AK9: variants seen among roughly 807,000 people sequenced by gnomAD.
AK9 encodes adenylate kinase domain containing 1.
A neutral mutation model predicts 239.6 loss-of-function variants in AK9; 191 were observed. The observed-to-expected ratio is 0.80, with a 90% CI of 0.71 to 0.90. AK9 has a LOEUF of 0.90. AK9 is among the 40% of genes least tolerant of loss of function. The pLI, the probability that AK9 is intolerant of heterozygous loss-of-function variation, is 0.00. For missense variants in AK9, 1,995 were observed against 2,214.7 expected (o/e 0.90, Z 1.99); for synonymous variants, 689 against 721.0 (o/e 0.96, Z 0.71).
chr6:109,621,893 T>TAAAAAAAAAAAAAAAAA (rs59405869), intron 12 of AK9, among the ~76,000 whole-genome samples: 6 of 55,514 alleles, frequency 1.1e-4, no homozygotes, highest in African/African-American at 1.8e-4. Flanking sequence ...AAAGTATAAT[T>TAAAAAAAAAAAAAAAAA]AAAAAAAAAA....
chr6:109,618,443 A>AC (rs1794438559), intron 13 of AK9, among the ~76,000 whole-genome samples: 2 of 151,876 alleles, frequency 1.3e-5, no homozygotes, highest in South Asian at 2.1e-4. Context: ...AAAAAAAACA[A>AC]AACGCTTTTT....
At chr6:109,619,013 A>G in intron 13 of AK9, 79 bp downstream of exon 13, 1 of 1,440,910 alleles carries the variant, frequency 6.9e-7, no homozygotes, top group Non-Finnish European at 9.2e-7. Flanking sequence ...AAGATGAGCT[A>G]AACAAAGTCC....
intron 29 of AK9, among the ~76,000 whole-genome samples, chr6:109,520,798 G>T (rs1779779611): frequency 6.6e-6 from 1 of 152,056 alleles, no homozygotes; most frequent in African/African-American, 2.4e-5. Context: ...GTGTTTTGTA[G>T]TTCTCCTTGG....
intron 35 of AK9, among the ~76,000 whole-genome samples, chr6:109,503,375 T>C (rs986225766): frequency 5.9e-5 from 9 of 152,046 alleles, no homozygotes; most frequent in African/African-American, 2.2e-4. Flanking sequence ...CACCCAAATG[T>C]CTCTTTTTCT....
chr6:109,585,213 T>C lies in AK9; in HGVS notation c.2024A>G (p.Tyr675Cys). ...GTCAATTTCAGATTTCTTCTGTAAA[T>C]ATATTCTATTAAATAAACATTTTCC... is the stretch of plus-strand genomic sequence containing the variant. ...NNGKCLFNRI[Y>C]LQKKSEIDSK... The change falls in exon 19 of 41, where the codon TAT becomes TGT. Residue 675 changes from tyrosine to cysteine, a missense_variant. Physicochemically the swap from Tyr to Cys is radical, Grantham distance 194. Transcript: ENST00000424296. 1.1e-6 allele frequency: 1 copy of C among 941,678 alleles called. No homozygotes were observed. Among genetic ancestry groups the C allele is most frequent in the Non-Finnish European group, 1.4e-6 (1 of 710,796 alleles). The allele number at this position is 941,678 out of a possible 1,614,324, so 58.3% of individuals were successfully genotyped here.
At chr6:109,549,542 TA>T (rs1562390815) in intron 25 of AK9, 1 of 152,328 alleles carries the variant, frequency 6.6e-6, no homozygotes, top group African/African-American at 2.4e-5. Flanking sequence ...GTTTTATTTT[TA>T]TTTCAGCTAA....
intron 26 of AK9, among the ~76,000 whole-genome samples, chr6:109,543,371 A>T (rs1331587737): frequency 2.6e-5 from 4 of 152,172 alleles, no homozygotes; most frequent in Non-Finnish European, 5.9e-5. Context: ...AAAACCAAAC[A>T]AAAAACTGTA....
At chr6:109,646,816 A>G (rs1436702134) in intron 8 of AK9, among the ~76,000 whole-genome samples, 1 of 152,230 alleles carries the variant, frequency 6.6e-6, no homozygotes, top group Admixed American at 6.5e-5. Context: ...AATGAAGGAA[A>G]AAATGTTAAG....
At chr6:109,528,637 A>C (rs980822531) in intron 29 of AK9, 2 of 461,440 alleles carry the variant, frequency 4.3e-6, no homozygotes, top group African/African-American at 4.0e-5. Context: ...GCACTGTACA[A>C]TATCAGCAGT....
At chr6:109,534,364 T>C (rs1162497996) in intron 27 of AK9, among the ~76,000 whole-genome samples, 1 of 150,212 alleles carries the variant, frequency 6.7e-6, no homozygotes, top group Admixed American at 6.6e-5. Context: ...CTTTGAAAAC[T>C]TGGCTTTGTT....
intron 5 of AK9, 35 bp downstream of exon 5, chr6:109,671,884 C>T: frequency 1.9e-6 from 3 of 1,591,976 alleles, no homozygotes; most frequent in Non-Finnish European, 2.6e-6. Context: ...TTTAAGGCTG[C>T]TTTGTGGGCT....
At position 109,585,186 on chromosome 6, in the gene AK9, G is replaced by C. The variant is rs916669609; in HGVS notation, c.2051C>G (p.Ser684Cys). 24 of 1,040,714 alleles carry C rather than the reference G, an allele frequency of 2.3e-5. No individual in the cohort carries two copies. In the Admixed American group the frequency reaches 8.6e-4, roughly 37 times the overall value. The allele number at this position is 1,040,714 out of a possible 1,614,324, so 64.5% of individuals were successfully genotyped here. Residue 684 changes from serine (S) to cysteine (C), a missense_variant, in exon 19 of 41, where the codon TCT becomes TGT. Ser to Cys is a moderately radical substitution (Grantham distance 112). This residue lies in a region of AK9 where 1,290 missense variants were observed against 1,392.7 expected (regional missense o/e 0.93). Transcript: ENST00000424296. ...TTCTAATAATCTTTCTAAAATCTTA[G>C]AGTCAATTTCAGATTTCTTCTGTAA... The part of the protein sequence containing the change: ...IYLQKKSEID[S>C]KILERLLEEL...
chr6:109,679,024 G>A (rs1772204758), intron 1 of AK9, among the ~76,000 whole-genome samples: 1 of 152,120 alleles, frequency 6.6e-6, no homozygotes, highest in Admixed American at 6.5e-5. Flanking sequence ...GCACAAAATT[G>A]GGCAGCTGTT....
chr6:109,605,364 T>C (rs535182187), intron 17 of AK9, among the ~76,000 whole-genome samples: 12 of 152,342 alleles, frequency 7.9e-5, no homozygotes, highest in Admixed American at 5.9e-4. Context: ...TCATTTGTCA[T>C]GTTAATAAGG....
At chr6:109,580,592 C>A (rs185671509) in intron 19 of AK9, among the ~76,000 whole-genome samples, 1 of 152,298 alleles carries the variant, frequency 6.6e-6, no homozygotes, top group East Asian at 1.9e-4. Flanking sequence ...TTTTCTCATA[C>A]TCCGCGTTCT....
At chr6:109,663,742 G>C (rs1479877473) in intron 5 of AK9, among the ~76,000 whole-genome samples, 3 of 152,190 alleles carry the variant, frequency 2.0e-5, no homozygotes, top group Non-Finnish European at 4.4e-5. Flanking sequence ...CCAAGTGCAA[G>C]ACAGACCAAT....
chr6:109,523,808 A>G (rs904430771), intron 29 of AK9, among the ~76,000 whole-genome samples: 5 of 152,186 alleles, frequency 3.3e-5, no homozygotes, highest in Non-Finnish European at 7.3e-5. Context: ...GGGCGGTTCA[A>G]GAACAGTATA....
At chr6:109,544,192 C>T (rs1562382151) in intron 26 of AK9, among the ~76,000 whole-genome samples, 1 of 152,174 alleles carries the variant, frequency 6.6e-6, no homozygotes, top group Non-Finnish European at 1.5e-5. Context: ...CACTATCCAA[C>T]CCTGCTTCAA....
In AK9 at chr6:109,497,960, G is replaced by T; in HGVS notation, c.5052C>A (p.Phe1684Leu). The stretch of plus-strand genomic sequence containing the variant: ...GCACGTACAATTCTGGGTTCTCCAA[G>T]AATTTCTATTAAAAAAGAATTCCAG... The part of the protein sequence containing the change: ...KMSSQEKLNK[F>L]LENPELYVPP... The change falls in exon 37 of 41, where the codon TTC (phenylalanine) becomes TTA (leucine). Residue 1684 changes from phenylalanine (F) to leucine (L), a missense_variant. Coordinates refer to ENST00000424296, the MANE Select transcript of AK9 (RefSeq NM_001145128.3). The T allele has an allele frequency of 6.2e-7, 1 of 1,612,752 alleles. No homozygotes were observed. The highest frequency in any genetic ancestry group is 2.2e-5 in the East Asian group (1 of 44,850).
Sources: gnomAD v4.1 joint callset for allele counts (sites outside exome capture counted in the v4.1 genomes callset) on GRCh38, gnomAD v4.1.1 for gene constraint, gnomAD v4.1.1 regional missense constraint, MANE v1.5 for transcripts, NCBI Gene and HGNC (gene_info 2026-07-23, HGNC 2026-07-21) for gene names.